Variants in RAPGEF2 observed in about 807,000 individuals in gnomAD.
The protein encoded by RAPGEF2 is PDZ domain containing guanine nucleotide exchange factor (GEF) 1.
Under a neutral mutation model 186.7 loss-of-function variants are expected in RAPGEF2, and 54 were observed. The ratio of observed to expected loss-of-function variants is 0.29; its 90% CI spans 0.23 to 0.36. The LOEUF (loss-of-function observed/expected upper bound fraction) is 0.36, where lower values mean the gene tolerates loss of function less well. Among genes scored for constraint, RAPGEF2 ranks in the 10% least tolerant of loss-of-function variants. The pLI is 1.00. For missense variants in RAPGEF2, 1,532 were observed against 2,045.0 expected, an observed-to-expected ratio of 0.75 and a Z score of 4.84; for synonymous variants, 712 against 705.9, an observed-to-expected ratio of 1.01 and a Z score of -0.14.
intron 1 of RAPGEF2, among the ~76,000 whole-genome samples, chr4:159,126,369 C>T (rs1483874277): frequency 6.6e-6 from 1 of 152,130 alleles, no homozygotes; most frequent in Non-Finnish European, 1.5e-5. Flanking sequence ...TAAAGCAATT[C>T]ATCATTCTTA....
chr4:159,121,645 A>G (rs1739691934), intron 1 of RAPGEF2, among the ~76,000 whole-genome samples: 1 of 152,162 alleles, frequency 6.6e-6, no homozygotes, highest in Admixed American at 6.5e-5. Flanking sequence ...TTGGGATTAT[A>G]AATGTTGGGA....
intron 20 of RAPGEF2, among the ~76,000 whole-genome samples, chr4:159,342,551 ATATTATTTTATTTTATT>A (rs1729640362): frequency 4.5e-4 from 46 of 103,050 alleles, no homozygotes; most frequent in African/African-American, 1.3e-3. Flanking sequence ...ATTTTATTTT[ATATTATTTTATTTTATT>A]TTATTTTATT....
At chr4:159,124,161 G>A (rs143493142) in intron 1 of RAPGEF2, among the ~76,000 whole-genome samples, 1,582 of 152,008 alleles carry the variant, frequency 0.01, 28 homozygotes, top group African/African-American at 0.035. Flanking sequence ...GGCCTTTGTT[G>A]TTGTTGTTAG....
At chr4:159,202,816 G>A (rs1374007296) in intron 3 of RAPGEF2, among the ~76,000 whole-genome samples, 1 of 152,132 alleles carries the variant, frequency 6.6e-6, no homozygotes, top group Non-Finnish European at 1.5e-5. Flanking sequence ...TGGCCAGGTA[G>A]ATCTCAAACT....
chr4:159,339,285 G>A lies in RAPGEF2; in HGVS notation c.2465G>A (p.Gly822Glu). ...TGTGAGGTCTCTGTCACACCTGAGG[G>A]AGTAATCAAACAAAGAAGACTTCCA... ...SLCEVSVTPE[G>E]VIKQRRLPDQ... Residue 822 changes from glycine (G) to glutamate (E), a missense_variant, in exon 19 of 30, where the codon GGA becomes GAA. By Grantham distance (98) the Gly-to-Glu change is moderately conservative. Transcript: ENST00000691494. 2 of 1,614,084 alleles carry A rather than the reference G, an allele frequency of 1.2e-6. No homozygotes were observed. Among genetic ancestry groups the A allele is most frequent in the Non-Finnish European group, 1.7e-6 (2 of 1,179,974 alleles).
chr4:159,147,615 T>C (rs1743084471), intron 1 of RAPGEF2, among the ~76,000 whole-genome samples: 1 of 152,234 alleles, frequency 6.6e-6, no homozygotes, highest in Non-Finnish European at 1.5e-5. Context: ...TTTTAGTTGC[T>C]CCTGAAGATA....
intron 19 of RAPGEF2, 61 bp from the exon 20 acceptor site, chr4:159,341,503 C>T: frequency 6.8e-7 from 1 of 1,477,200 alleles, no homozygotes; most frequent in Non-Finnish European, 9.1e-7. Flanking sequence ...ATTATTCTTT[C>T]AAGGAATATC....
chr4:159,291,661 A>G (rs1761234271), intron 7 of RAPGEF2, among the ~76,000 whole-genome samples: 1 of 152,152 alleles, frequency 6.6e-6, no homozygotes, highest in African/African-American at 2.4e-5. Context: ...ACAGTACATA[A>G]AGTTTCTCAG....
intron 23 of RAPGEF2, 99 bp downstream of exon 23, chr4:159,344,158 A>C (rs1729947363): frequency 1.5e-6 from 2 of 1,346,342 alleles, no homozygotes; most frequent in Admixed American, 1.7e-5. Context: ...GCATTTTTGC[A>C]TTTTTTTCCT....
At chr4:159,294,265 A>T (rs1761623522) in intron 7 of RAPGEF2, among the ~76,000 whole-genome samples, 1 of 152,088 alleles carries the variant, frequency 6.6e-6, no homozygotes, top group Non-Finnish European at 1.5e-5. Context: ...TTGACTTTAA[A>T]CACTCATTTC....
intron 7 of RAPGEF2, among the ~76,000 whole-genome samples, chr4:159,290,526 G>T (rs1231276789): frequency 6.6e-6 from 1 of 152,192 alleles, no homozygotes. Flanking sequence ...GTAAACCACA[G>T]CTTAATACAG....
chr4:159,304,727 G>A (rs1561247636), intron 8 of RAPGEF2, among the ~76,000 whole-genome samples: 1 of 152,086 alleles, frequency 6.6e-6, no homozygotes, highest in Non-Finnish European at 1.5e-5. Flanking sequence ...GGGTAAAAGT[G>A]TAATTTTGTT....
intron 1 of RAPGEF2, among the ~76,000 whole-genome samples, chr4:159,142,334 A>G (rs1156611360): frequency 6.6e-6 from 1 of 152,206 alleles, no homozygotes; most frequent in African/African-American, 2.4e-5. Flanking sequence ...GACAAAACCA[A>G]TAAGCAATTT....
intron 7 of RAPGEF2, among the ~76,000 whole-genome samples, chr4:159,245,882 A>G (rs777127099): frequency 1.3e-5 from 2 of 152,122 alleles, no homozygotes; most frequent in East Asian, 1.9e-4. Flanking sequence ...ATGTGTCCCA[A>G]CTGACATTTC....
chr4:159,153,361 G>A (rs1363324227), intron 1 of RAPGEF2, among the ~76,000 whole-genome samples: 1 of 152,144 alleles, frequency 6.6e-6, no homozygotes, highest in African/African-American at 2.4e-5. Flanking sequence ...CTGGGCACCA[G>A]ACTTTTAAAA....
chr4:159,336,361 A>G (rs1767421058), intron 17 of RAPGEF2, among the ~76,000 whole-genome samples: 3 of 152,108 alleles, frequency 2.0e-5, no homozygotes, highest in Admixed American at 1.3e-4. Flanking sequence ...AGTCCATTGT[A>G]TCACTCAGTA....
chr4:159,127,418 T>C (rs1182134474), intron 1 of RAPGEF2, among the ~76,000 whole-genome samples: 1 of 152,222 alleles, frequency 6.6e-6, no homozygotes, highest in East Asian at 1.9e-4. Context: ...ACCTTTTGAT[T>C]TCCTCCCTTT....
Position 159,343,290 on chromosome 4 carries a change from C to A in RAPGEF2, c.3140C>A (p.Ser1047Ter). The change falls in exon 22 of 30, where the codon TCA becomes TAA. Residue 1047 changes from serine (S) to a stop codon, truncating the protein, a stop_gained. Coordinates refer to ENST00000691494, the MANE Select transcript of RAPGEF2 (RefSeq NM_001394067.2). LOFTEE classifies it high-confidence loss of function. ...DLTFLHEGND[S>*]KVDGLVNFEK... ...CCTCTGTCAATTTCAGGAAATGACT[C>A]AAAAGTAGACGGGCTGGTCAATTTT... 6.2e-7 allele frequency: 1 copy of A among 1,614,002 alleles called. No individual in the cohort carries two copies. Among genetic ancestry groups the A allele is most frequent in the South Asian group, 1.1e-5 (1 of 91,066 alleles).
Position 159,344,076 on chromosome 4 carries a change from T to G in RAPGEF2, c.3278+17T>G. Reference sequence around the variant, plus strand: ...GAGTTTGGGGTAAGTGGTGGAGACCTTGCATACCCACACACAGTTCTTATT... The same window carrying G: ...GAGTTTGGGGTAAGTGGTGGAGACCGTGCATACCCACACACAGTTCTTATT... On this transcript the variant is annotated intron_variant, in intron 23 of 29. Coordinates refer to ENST00000691494, the MANE Select transcript of RAPGEF2 (RefSeq NM_001394067.2). 1 of 1,526,590 alleles carries G rather than the reference T, an allele frequency of 6.6e-7. No homozygotes were observed. Among genetic ancestry groups the G allele is most frequent in the Non-Finnish European group, 9.1e-7 (1 of 1,100,448 alleles). 94.6% of individuals were successfully genotyped at this position (1,526,590 alleles called of 1,614,324 possible).
Sources: allele counts gnomAD v4.1 joint callset (sites outside exome capture counted in the v4.1 genomes callset), GRCh38; gene constraint gnomAD v4.1.1; transcripts MANE v1.5; gene names NCBI Gene and HGNC (gene_info 2026-07-23, HGNC 2026-07-21).